ZNF608: variants seen among roughly 807,000 people sequenced by gnomAD.
The protein encoded by ZNF608 is renal carcinoma antigen NY-REN-36.
A neutral mutation model predicts 109.0 loss-of-function variants in ZNF608; 12 were observed. That is an observed-to-expected ratio of 0.11 (90% CI 0.07 to 0.18). ZNF608 has a LOEUF of 0.18. Ranked by LOEUF, ZNF608 falls within the 10% of genes least tolerant of loss-of-function variation. The pLI is 1.00. For synonymous variants in ZNF608, 732 were observed against 717.4 expected (o/e 1.02, Z -0.33); for missense variants, 1,707 against 1,879.3 (o/e 0.91, Z 1.70).
chr5:124,719,500 T>C (rs1191723333), intron 2 of ZNF608, among the ~76,000 whole-genome samples: 6 of 152,216 alleles, frequency 3.9e-5, no homozygotes, highest in African/African-American at 9.6e-5. Flanking sequence ...ACTTCATTTG[T>C]TGTTCACCAC....
At chr5:124,718,957 T>G (rs1016418340) in intron 2 of ZNF608, among the ~76,000 whole-genome samples, 1 of 152,170 alleles carries the variant, frequency 6.6e-6, no homozygotes, top group African/African-American at 2.4e-5. Context: ...AATCAGAAAT[T>G]TTGTAAAATC....
intron 2 of ZNF608, among the ~76,000 whole-genome samples, chr5:124,714,197 A>G (rs535663975): frequency 1.3e-5 from 2 of 152,314 alleles, no homozygotes; most frequent in East Asian, 1.9e-4. Flanking sequence ...CAACCATCCT[A>G]TGTAATTGCA....
chr5:124,688,682 T>C (rs1310667858), intron 3 of ZNF608, among the ~76,000 whole-genome samples: 4 of 152,192 alleles, frequency 2.6e-5, no homozygotes, highest in Admixed American at 6.5e-5. Context: ...ACAAAAAAAC[T>C]TCATACACAA....
chr5:124,681,914 G>A (rs1752211540), intron 3 of ZNF608, among the ~76,000 whole-genome samples: 1 of 152,144 alleles, frequency 6.6e-6, no homozygotes, highest in African/African-American at 2.4e-5. Flanking sequence ...CAAAGCAAAG[G>A]AGCATAATCT....
intron 8 of ZNF608, among the ~76,000 whole-genome samples, chr5:124,639,472 C>G (rs1750137565): frequency 6.6e-6 from 1 of 152,204 alleles, no homozygotes; most frequent in Non-Finnish European, 1.5e-5. Context: ...CTGCATGGTG[C>G]TAAATGGTTT....
intron 2 of ZNF608, among the ~76,000 whole-genome samples, chr5:124,741,310 CA>C (rs1749384613): frequency 7.5e-6 from 1 of 132,832 alleles, no homozygotes; most frequent in Admixed American, 8.4e-5. Flanking sequence ...ATAAACAGAC[CA>C]AAAATAGACA....
Position 124,648,762 on chromosome 5 carries a change from G to A in ZNF608, c.1622C>T (p.Thr541Ile), listed in dbSNP as rs1750653878. Residue 541 changes from threonine (T) to isoleucine (I), a missense_variant, in exon 5 of 10, where the codon ACT becomes ATT. Thr to Ile is a moderately conservative substitution (Grantham distance 89). Transcript: ENST00000513986. ...PTTPQGKPET[T>I]FLDQGCSSPV... ...AGAAGAGCAGCCTTGGTCCAAAAAAGTAGTCTCTGGTTTCCCTTGAGGGGT... is the reference window on the plus strand; with the variant it reads ...AGAAGAGCAGCCTTGGTCCAAAAAAATAGTCTCTGGTTTCCCTTGAGGGGT... The A allele has an allele frequency of 8.7e-6, 14 of 1,614,236 alleles. No homozygotes were observed. Among genetic ancestry groups the A allele is most frequent in the Non-Finnish European group, 1.2e-5 (14 of 1,180,042 alleles).
chr5:124,742,869 T>C (rs1300619166), intron 2 of ZNF608, among the ~76,000 whole-genome samples: 1 of 151,880 alleles, frequency 6.6e-6, no homozygotes, highest in Non-Finnish European at 1.5e-5. Flanking sequence ...TCGCCAACTA[T>C]AGCAAAAAAA....
At position 124,637,855 on chromosome 5, in the gene ZNF608, T is replaced by C; in HGVS notation, c.*45A>G. 5 of 1,600,222 alleles carry C rather than the reference T, an allele frequency of 3.1e-6. No individual in the cohort carries two copies. Among genetic ancestry groups the C allele is most frequent in the Non-Finnish European group, 4.3e-6 (5 of 1,173,158 alleles). ...GGAACTGATGTCTGTATAAAGCGCTTCCCCATGTGATCCAGTCACATGACA... is the reference window on the plus strand; with the variant it reads ...GGAACTGATGTCTGTATAAAGCGCTCCCCCATGTGATCCAGTCACATGACA... On this transcript the variant is annotated 3_prime_UTR_variant, in exon 10 of 10. Transcript: ENST00000513986.
chr5:124,727,240 T>A (rs1748648009), intron 2 of ZNF608, among the ~76,000 whole-genome samples: 1 of 152,194 alleles, frequency 6.6e-6, no homozygotes, highest in South Asian at 2.1e-4. Flanking sequence ...CTGTCAACTC[T>A]AAAACCCTCT....
intron 3 of ZNF608, among the ~76,000 whole-genome samples, chr5:124,687,738 C>T (rs1032025590): frequency 6.6e-6 from 1 of 152,066 alleles, no homozygotes; most frequent in Non-Finnish European, 1.5e-5. Flanking sequence ...TTTTCTTTTG[C>T]CAGGAAAATA....
chr5:124,714,677 T>C (rs866506385), intron 2 of ZNF608, among the ~76,000 whole-genome samples: 11 of 152,336 alleles, frequency 7.2e-5, no homozygotes, highest in Non-Finnish European at 1.5e-4. Flanking sequence ...AAGCCCGTCG[T>C]AGTATCTCTA....
rs774979565 is a variant in ZNF608, at chr5:124,644,688, A to T, written c.3706-27T>A. On this transcript the variant is annotated intron_variant, in intron 5 of 9. Transcript: ENST00000513986. ...TGATTTTTTTGTTTTAAAGAAAAAA[A>T]ACCCAACAGATTTGTTTTAAAATTT... 5.9e-6 allele frequency: 9 copies of T among 1,514,524 alleles called. No homozygotes were observed. The South Asian group carries it at 1.1e-4, about 18-fold the overall frequency. The allele number at this position is 1,514,524 out of a possible 1,614,324, so 93.8% of individuals were successfully genotyped here. A position where few individuals can be genotyped will look rare whatever the true frequency, so the allele number is the denominator to read the frequency against.
chr5:124,640,893 A>T (rs1183956808), intron 8 of ZNF608, among the ~76,000 whole-genome samples: 2 of 152,190 alleles, frequency 1.3e-5, no homozygotes, highest in African/African-American at 4.8e-5. Context: ...AAGTAATTTC[A>T]CCAAAGCTTC....
At position 124,744,631 on chromosome 5, in the gene ZNF608, G is replaced by A. The variant is rs767533980; in HGVS notation, c.359C>T (p.Pro120Leu). 23 of 1,614,090 alleles carry A rather than the reference G, an allele frequency of 1.4e-5. No individual in the cohort carries two copies. Among genetic ancestry groups the A allele is most frequent in the Non-Finnish European group, 1.9e-5 (22 of 1,180,046 alleles). ...KTSKDANKSL[P>L]SAALYGIPEI... ...GGGAATCCCATACAAGGCAGCAGAA[G>A]GCAGAGATTTATTAGCATCCTTAGA... is the stretch of plus-strand genomic sequence containing the variant. The change falls in exon 2 of 10, where the codon CCT becomes CTT. Residue 120 changes from proline (P) to leucine (L), a missense_variant. Coordinates refer to ENST00000513986, the MANE Select transcript of ZNF608 (RefSeq NM_020747.3). This position sits in a 1 kb window ranked among gnomAD's most constrained non-coding sequence, Gnocchi z 4.5.
chr5:124,651,715 A>G (rs1051810599), intron 3 of ZNF608, among the ~76,000 whole-genome samples: 1 of 152,284 alleles, frequency 6.6e-6, no homozygotes, highest in Admixed American at 6.5e-5. Context: ...TCGCGTTTCC[A>G]GAGAACGCTG....
In ZNF608 at chr5:124,646,169, C is replaced by G. The variant is rs373224905; in HGVS notation, c.3705+510G>C. On this transcript the variant is annotated intron_variant, in intron 5 of 9. Transcript: ENST00000513986. The stretch of plus-strand genomic sequence containing the variant: ...TGAGGTCAGGAGATCGAGACCATCT[C>G]GCTAACACGGTGAAACCCCATCTCT... Among the ~76,000 whole-genome samples, 15 of 152,040 alleles carry G rather than the reference C, an allele frequency of 9.9e-5. No homozygotes were observed. In the South Asian group the frequency reaches 1.9e-3, roughly 19 times the overall value.
intron 2 of ZNF608, among the ~76,000 whole-genome samples, chr5:124,743,122 C>T (rs1384755971): frequency 6.6e-6 from 1 of 152,172 alleles, no homozygotes; most frequent in Non-Finnish European, 1.5e-5. Context: ...TCGGGGCAGG[C>T]AGTTCTTCCA....
Position 124,647,211 on chromosome 5 carries a change from G to C in ZNF608, c.3173C>G (p.Ser1058Cys). ...DSKKVDHNSA[S>C]LQPQHQSVIT... ...CACCGACTGGTGCTGAGGCTGTAAG[G>C]ATGCAGAATTGTGGTCCACTTTCTT... Residue 1058 changes from serine to cysteine, a missense_variant, in exon 5 of 10, where the codon TCC becomes TGC. Ser to Cys is a moderately radical substitution (Grantham distance 112). Around this residue, in one of 7 missense-constraint regions of ZNF608, gnomAD observed 1,073 missense variants for 1,133.5 expected, o/e 0.95. Coordinates refer to ENST00000513986, the MANE Select transcript of ZNF608 (RefSeq NM_020747.3). 4 of 1,614,198 alleles carry C rather than the reference G, an allele frequency of 2.5e-6. No homozygotes were observed. The highest frequency in any genetic ancestry group is 3.4e-6 in the Non-Finnish European group (4 of 1,180,034).
Sources: gnomAD v4.1 joint callset for allele counts (sites outside exome capture counted in the v4.1 genomes callset) on GRCh38, gnomAD v4.1.1 for gene constraint, gnomAD v4.1.1 regional missense constraint, Gnocchi (gnomAD v3.1) non-coding constraint, MANE v1.5 for transcripts, NCBI Gene and HGNC (gene_info 2026-07-23, HGNC 2026-07-21) for gene names.